The following ARID1B variants were observed in gnomAD, a reference collection of about 807,000 sequenced individuals.
ARID1B encodes the protein AT-rich interaction domain 1B, also known as AT-rich interactive domain-containing protein 1B.
ARID1B carries 30 observed loss-of-function variants against 212.3 expected under a neutral mutation model. The observed-to-expected ratio is 0.14, with a 90% CI of 0.11 to 0.19. The LOEUF (loss-of-function observed/expected upper bound fraction) is 0.19. Ranked by LOEUF, ARID1B falls within the 10% of genes least tolerant of loss-of-function variation. The pLI is 1.00. For missense variants in ARID1B, 2,891 were observed against 3,204.0 expected (o/e 0.90, Z 2.36); for synonymous variants, 1,402 against 1,301.7 (o/e 1.08, Z -1.66).
chr6:157,121,756 C>T (rs1049782761), intron 6 of ARID1B, among the ~76,000 whole-genome samples: 2 of 151,372 alleles, frequency 1.3e-5, no homozygotes, highest in African/African-American at 2.4e-5. Flanking sequence ...CTCAGCCTCC[C>T]GAGTAGCTGG....
intron 4 of ARID1B, among the ~76,000 whole-genome samples, chr6:157,033,497 A>G (rs899592266): frequency 9.2e-5 from 14 of 152,204 alleles, no homozygotes; most frequent in Non-Finnish European, 1.5e-5. Flanking sequence ...TGTGAACATA[A>G]AAAGGACGTT....
intron 4 of ARID1B, among the ~76,000 whole-genome samples, chr6:157,050,443 C>G (rs1782524953): frequency 6.6e-6 from 1 of 152,146 alleles, no homozygotes; most frequent in Non-Finnish European, 1.5e-5. Flanking sequence ...ACTCAGGAGG[C>G]TGAGGCAGGA....
At chr6:157,072,609 A>G (rs1419992698) in intron 4 of ARID1B, 3 of 152,184 alleles carry the variant, frequency 2.0e-5, no homozygotes, top group Admixed American at 2.0e-4. Flanking sequence ...ATACTTTTAA[A>G]TTGCTCGCTA....
At chr6:157,093,019 G>A (rs748073515) in intron 5 of ARID1B, among the ~76,000 whole-genome samples, 1 of 152,170 alleles carries the variant, frequency 6.6e-6, no homozygotes, top group Non-Finnish European at 1.5e-5. Context: ...GTGTCACTGC[G>A]TCTGGATTCT....
At position 157,206,646 on chromosome 6, in the gene ARID1B, G is replaced by A. The variant is rs760066210; in HGVS notation, c.5874G>A (p.Glu1958=). ...DTTEHIQTHF[E]SKMEIPPRRR... is the part of the protein sequence containing the mutation. ...CCGAGCACATTCAGACTCACTTTGA[G>A]AGCAAGATGGAAATTCCTCCTCGCA... The change falls in exon 20 of 20, where the codon GAG becomes GAA. Residue 1958 remains glutamate, a synonymous_variant. Coordinates refer to ENST00000636930, the MANE Select transcript of ARID1B (RefSeq NM_001374828.1). The surrounding 1 kb of genome is among the most constrained non-coding windows in gnomAD (Gnocchi z 6.8). The A allele has an allele frequency of 6.2e-7, 1 of 1,613,784 alleles. No individual in the cohort carries two copies. The highest frequency in any genetic ancestry group is 8.5e-7 in the Non-Finnish European group (1 of 1,180,006).
chr6:156,920,543 C>A (rs972422904), intron 3 of ARID1B, among the ~76,000 whole-genome samples: 1 of 152,042 alleles, frequency 6.6e-6, no homozygotes, highest in Admixed American at 6.5e-5. Context: ...ATTAGAGTAA[C>A]AAGCTCTATG....
chr6:157,142,186 G>A (rs1009246602), intron 7 of ARID1B, among the ~76,000 whole-genome samples: 4 of 152,222 alleles, frequency 2.6e-5, no homozygotes, highest in African/African-American at 9.7e-5. Flanking sequence ...CAGATCAGTG[G>A]TTGCCAGGGG....
chr6:157,144,761 G>A (rs139900634), intron 7 of ARID1B, among the ~76,000 whole-genome samples: 78 of 152,330 alleles, frequency 5.1e-4, no homozygotes, highest in Admixed American at 9.1e-4. Context: ...CCGAGACTGC[G>A]TGATGGGAAA....
intron 4 of ARID1B, among the ~76,000 whole-genome samples, chr6:157,079,027 C>T (rs916911156): frequency 2.0e-5 from 3 of 152,126 alleles, no homozygotes; most frequent in Admixed American, 2.0e-4. Flanking sequence ...TAACATCAAC[C>T]TTTTTTTCCA....
chr6:156,777,033 G>A (rs1778661144), upstream of ARID1B: 1 of 152,362 alleles, frequency 6.6e-6, no homozygotes, highest in Non-Finnish European at 1.5e-5. Context: ...TTGTTTCCCA[G>A]CCCTTCTCCC....
At chr6:156,854,246 G>GT (rs1784764576) in intron 2 of ARID1B, among the ~76,000 whole-genome samples, 1 of 152,156 alleles carries the variant, frequency 6.6e-6, no homozygotes, top group African/African-American at 2.4e-5. Context: ...TCCTCTTTCT[G>GT]TTTTTCTGGC....
intron 3 of ARID1B, among the ~76,000 whole-genome samples, chr6:156,903,647 C>T (rs1789127509): frequency 6.6e-6 from 1 of 152,068 alleles, no homozygotes; most frequent in Non-Finnish European, 1.5e-5. Context: ...AAGTAATCCC[C>T]CTAAATCTAT....
At chr6:157,109,506 A>G (rs900868831) in intron 5 of ARID1B, among the ~76,000 whole-genome samples, 1 of 152,168 alleles carries the variant, frequency 6.6e-6, no homozygotes, top group Non-Finnish European at 1.5e-5. Flanking sequence ...TCCTCATGTC[A>G]CGAGAGCTAG....
chr6:157,179,232 G>A (rs1049359007), intron 11 of ARID1B, among the ~76,000 whole-genome samples: 18 of 151,984 alleles, frequency 1.2e-4, no homozygotes, highest in Middle Eastern at 3.4e-3. Flanking sequence ...TAACTGTCCC[G>A]TTAATAAAAA....
At chr6:156,974,839 C>T (rs1419101130) in intron 4 of ARID1B, among the ~76,000 whole-genome samples, 1 of 152,198 alleles carries the variant, frequency 6.6e-6, no homozygotes, top group Non-Finnish European at 1.5e-5. Flanking sequence ...ACTGTCTCTC[C>T]CTTCTCTGCC....
chr6:157,095,525 C>T (rs1562613546), intron 5 of ARID1B, among the ~76,000 whole-genome samples: 1 of 152,226 alleles, frequency 6.6e-6, no homozygotes, highest in South Asian at 2.1e-4. Context: ...CAACTTAGCA[C>T]TTCCCCAGTG....
intron 5 of ARID1B, among the ~76,000 whole-genome samples, chr6:157,101,516 A>G (rs1786046085): frequency 6.6e-6 from 1 of 152,246 alleles, no homozygotes. Context: ...ATGATTGGCC[A>G]AGAAAATTAT....
intron 1 of ARID1B, among the ~76,000 whole-genome samples, chr6:156,791,806 G>T (rs1425611559): frequency 1.3e-5 from 2 of 152,200 alleles, no homozygotes; most frequent in Non-Finnish European, 2.9e-5. Flanking sequence ...TGGAGATAGA[G>T]AGATAAATGT....
chr6:156,939,668 G>C, intron 4 of ARID1B: 1 of 152,016 alleles, frequency 6.6e-6, no homozygotes, highest in Non-Finnish European at 1.5e-5. Context: ...TGATTAAATG[G>C]GTGGATGTCT....
Sources: gnomAD v4.1 joint callset for allele counts (sites outside exome capture counted in the v4.1 genomes callset) on GRCh38, gnomAD v4.1.1 for gene constraint, Gnocchi (gnomAD v3.1) non-coding constraint, MANE v1.5 for transcripts, NCBI Gene and HGNC (gene_info 2026-07-23, HGNC 2026-07-21) for gene names.